FCRL2: variants seen among roughly 807,000 people sequenced by gnomAD.
FCRL2 encodes Fc receptor-like protein 2.
In FCRL2, 48 loss-of-function variants were observed where a neutral mutation model predicts 59.8. The ratio of observed to expected loss-of-function variants is 0.80; its 90% confidence interval spans 0.64 to 1.02. The LOEUF is 1.02. Ranked by LOEUF, FCRL2 falls within the 50% of genes least tolerant of loss-of-function variation. The probability of loss-of-function intolerance (pLI) is 0.00; values close to 1 mark genes in which losing one functional copy is unlikely to be tolerated. For missense variants in FCRL2, 658 were observed against 597.3 expected (o/e 1.10, Z -1.06); for synonymous variants, 251 against 229.5 (o/e 1.09, Z -0.85).
intron 7 of FCRL2, among the ~76,000 whole-genome samples, chr1:157,751,449 C>A (rs1648177106): frequency 6.6e-6 from 1 of 152,188 alleles, no homozygotes; most frequent in Admixed American, 6.5e-5. Context: ...AATATTAAGG[C>A]CAGCTTGGTG....
rs375240841 is a variant in FCRL2, at chr1:157,770,627, C to G, written c.92G>C (p.Gly31Ala). 3.1e-6 allele frequency: 5 copies of G among 1,614,120 alleles called. No individual in the cohort carries two copies. Among genetic ancestry groups the G allele is most frequent in the Non-Finnish European group, 4.2e-6 (5 of 1,180,002 alleles). The change falls in exon 3 of 12, where the codon GGA becomes GCA. Residue 31 changes from glycine to alanine, a missense_variant. By Grantham distance (60) the Gly-to-Ala change is moderately conservative. Transcript: ENST00000361516. The part of the protein sequence containing the change: ...TLVAPSSVFE[G>A]DSIVLKCQGE... Reference sequence around the variant, plus strand: ...CTGGCATTTCAGAACGATGCTGTCTCCTTCGAAGACAGAAGAGGGCGCCAC... The same window carrying G: ...CTGGCATTTCAGAACGATGCTGTCTGCTTCGAAGACAGAAGAGGGCGCCAC...
intron 7 of FCRL2, among the ~76,000 whole-genome samples, chr1:157,756,582 G>A (rs1571261206): frequency 6.6e-6 from 1 of 151,860 alleles, no homozygotes. Context: ...GGGAAATTGA[G>A]GCAAGAGGAT....
intron 2 of FCRL2, chr1:157,774,320 T>C: frequency 2.6e-6 from 1 of 390,950 alleles, no homozygotes; most frequent in Non-Finnish European, 5.1e-6. Flanking sequence ...GAGCCAAGAC[T>C]GGGGTTCAGA....
At chr1:157,760,748 AAAGAAAG>A (rs1213146089) in intron 7 of FCRL2, among the ~76,000 whole-genome samples, 1 of 149,062 alleles carries the variant, frequency 6.7e-6, no homozygotes, top group African/African-American at 2.5e-5. Flanking sequence ...AGAAAGAAAG[AAAGAAAG>A]AAGAAAGAAT....
Position 157,746,284 on chromosome 1 carries a change from T to A in FCRL2, c.*452A>T. The A allele has an allele frequency of 6.3e-6, 1 of 159,794 alleles. No individual in the cohort carries two copies. Among genetic ancestry groups the A allele is most frequent in the Non-Finnish European group, 1.4e-5 (1 of 72,666 alleles). 9.9% of individuals were successfully genotyped at this position (159,794 alleles called of 1,614,324 possible). On this transcript the variant is annotated 3_prime_UTR_variant, in exon 12 of 12. Coordinates refer to ENST00000361516, the MANE Select transcript of FCRL2 (RefSeq NM_030764.4). Reference sequence around the variant, plus strand: ...TACAAACATTCTGGCAGAGACACAGTGGAAAAGAAAATTTCAGGCCAATAT... The same window carrying A: ...TACAAACATTCTGGCAGAGACACAGAGGAAAAGAAAATTTCAGGCCAATAT...
chr1:157,749,255 C>T (rs1648001280), intron 8 of FCRL2, among the ~76,000 whole-genome samples: 1 of 152,062 alleles, frequency 6.6e-6, no homozygotes, highest in Admixed American at 6.6e-5. Flanking sequence ...ATCTCTCTCA[C>T]TCCTTCTTGT....
At chr1:157,754,379 T>A (rs1399414707) in intron 7 of FCRL2, among the ~76,000 whole-genome samples, 7 of 152,170 alleles carry the variant, frequency 4.6e-5, no homozygotes, top group East Asian at 1.9e-4. Context: ...AGTTATCCAA[T>A]ATGGTCTAAA....
rs1203447682 is a variant in FCRL2 at position 157,777,051 on chromosome 1, A to G, written c.23T>C (p.Val8Ala). ...CAAATTATTGAACTCACCAAAGATGACCAGCAATGACCACAGCAGCATGAG... is the reference window on the plus strand; with the variant it reads ...CAAATTATTGAACTCACCAAAGATGGCCAGCAATGACCACAGCAGCATGAG... Reference protein sequence around the residue: MLLWSLLVIFDAVTEQAD... With the variant: MLLWSLLAIFDAVTEQAD... Residue 8 changes from valine (V) to alanine (A), a missense_variant, in exon 1 of 12, where the codon GTC becomes GCC. Transcript: ENST00000361516. 2 of 1,614,092 alleles carry G rather than the reference A, an allele frequency of 1.2e-6. No individual in the cohort carries two copies. The highest frequency in any genetic ancestry group is 4.5e-5 in the East Asian group (2 of 44,886).
intron 7 of FCRL2, among the ~76,000 whole-genome samples, chr1:157,757,945 G>A (rs892092419): frequency 7.2e-5 from 11 of 152,216 alleles, no homozygotes; most frequent in Admixed American, 5.9e-4. Context: ...CTGGGTGACA[G>A]AGTGAGACTG....
chr1:157,753,751 A>G (rs1241047082), intron 7 of FCRL2, among the ~76,000 whole-genome samples: 1 of 152,146 alleles, frequency 6.6e-6, no homozygotes, highest in African/African-American at 2.4e-5. Flanking sequence ...CCCTCTAATC[A>G]CAAGGTTGGT....
At chr1:157,751,224 T>C (rs1349192335) in intron 7 of FCRL2, among the ~76,000 whole-genome samples, 2 of 152,192 alleles carry the variant, frequency 1.3e-5, no homozygotes, top group Non-Finnish European at 2.9e-5. Flanking sequence ...AGTTTTACCA[T>C]ACAGGAGATA....
At chr1:157,768,340 T>G in intron 5 of FCRL2, 74 bp downstream of exon 5, 2 of 1,492,448 alleles carry the variant, frequency 1.3e-6, no homozygotes, top group Non-Finnish European at 1.8e-6. Context: ...CCTCCTGAAA[T>G]TTCCTCAGGA....
intron 2 of FCRL2, among the ~76,000 whole-genome samples, chr1:157,773,169 T>C (rs980050526): frequency 1.3e-5 from 2 of 152,334 alleles, no homozygotes; most frequent in East Asian, 3.9e-4. Flanking sequence ...CTCTCTCTTG[T>C]TAATTGGACT....
At position 157,769,218 on chromosome 1, in the gene FCRL2, C is replaced by T. The variant is rs183045772; in HGVS notation, c.596-517G>A. Reference sequence around the variant, plus strand: ...GTGTTGCAATCTCATCATGTGGAGACATTTGGAGAGCCATTAGACAGCAGG... The same window carrying T: ...GTGTTGCAATCTCATCATGTGGAGATATTTGGAGAGCCATTAGACAGCAGG... On this transcript the variant is annotated intron_variant, in intron 4 of 11. Transcript: ENST00000361516. 1.7e-3 allele frequency: 262 copies of T among 155,752 alleles called. 1 individual carries two copies. Among genetic ancestry groups the T allele is most frequent in the Non-Finnish European group, 2.5e-3 (177 of 70,356 alleles). The allele number at this position is 155,752 out of a possible 1,614,324, so 9.6% of individuals were successfully genotyped here.
In FCRL2 at chr1:157,768,434, A is replaced by G; in HGVS notation, c.863T>C (p.Val288Ala). The G allele has an allele frequency of 5.6e-6, 9 of 1,613,888 alleles. No individual in the cohort carries two copies. The highest frequency in any genetic ancestry group is 7.6e-6 in the Non-Finnish European group (9 of 1,179,918). Residue 288 changes from valine (V) to alanine (A), a missense_variant, in exon 5 of 12, where the codon GTG becomes GCG. Coordinates refer to ENST00000361516, the MANE Select transcript of FCRL2 (RefSeq NM_030764.4). Reference protein sequence around the residue: ...DNGHVPIQSKVVNIPVRIPVS... With the variant: ...DNGHVPIQSKAVNIPVRIPVS... ...CTCACTTCTCACAGGGATATTCACC[A>G]CCTTGCTCTGGATAGGCACATGGCC...
intron 1 of FCRL2, 106 bp downstream of exon 1, chr1:157,776,937 G>A: frequency 9.1e-7 from 1 of 1,098,486 alleles, no homozygotes; most frequent in Non-Finnish European, 1.4e-6. Flanking sequence ...GGCAGGACCT[G>A]AGCATCCCCA....
At chr1:157,775,684 A>G (rs1234073076) in intron 2 of FCRL2, 91 bp downstream of exon 2, 3 of 1,429,530 alleles carry the variant, frequency 2.1e-6, no homozygotes, top group Non-Finnish European at 2.9e-6. Flanking sequence ...ACATCTTCAC[A>G]GGCTTTCCAG....
In FCRL2 at chr1:157,775,775, C is replaced by T; in HGVS notation, c.52G>A (p.Asp18Asn). ...AACAACAAAGACAAGGAGGACTCAC[C>T]TGCCTGTTCAGTGACTGCATCTGTG... ...VIFDAVTEQA[D>N]SLTLVAPSSV... Residue 18 changes from aspartate (D) to asparagine (N), a missense_variant and splice_region_variant, in exon 2 of 12, where the codon GAT becomes AAT. By Grantham distance (23) the Asp-to-Asn change is conservative (BLOSUM62 1). Coordinates refer to ENST00000361516, the MANE Select transcript of FCRL2 (RefSeq NM_030764.4). The T allele has an allele frequency of 6.2e-7, 1 of 1,614,040 alleles. No individual in the cohort carries two copies. The highest frequency in any genetic ancestry group is 8.5e-7 in the Non-Finnish European group (1 of 1,179,950).
At position 157,768,530 on chromosome 1, in the gene FCRL2, A is replaced by G. The variant is rs776045802; in HGVS notation, c.767T>C (p.Leu256Pro). The change falls in exon 5 of 12, where the codon CTG becomes CCG. Residue 256 changes from leucine (L) to proline (P), a missense_variant. Transcript: ENST00000361516. ...TSMGKKTQRS[L>P]SAELEIPAVK... ...AGCTGGGATCTCCAGCTCTGCTGAC[A>G]GGGAACGCTGGGTTTTCTTTCCCAT... 1 of 1,614,220 alleles carries G rather than the reference A, an allele frequency of 6.2e-7. No individual in the cohort carries two copies. Among genetic ancestry groups the G allele is most frequent in the Non-Finnish European group, 8.5e-7 (1 of 1,180,036 alleles).
Sources: allele counts gnomAD v4.1 joint callset (sites outside exome capture counted in the v4.1 genomes callset), GRCh38; gene constraint gnomAD v4.1.1; transcripts MANE v1.5; gene names NCBI Gene and HGNC (gene_info 2026-07-23, HGNC 2026-07-21).